The following EXOC6 variants were observed in gnomAD, a reference collection of about 807,000 sequenced individuals.
EXOC6 encodes exocyst complex component 6, also known as SEC15-like 1.
EXOC6 carries 60 observed loss-of-function variants against 112.5 expected under a neutral mutation model. The observed-to-expected ratio is 0.53, with a 90% confidence interval of 0.43 to 0.66. The LOEUF is 0.66. Among genes scored for constraint, EXOC6 ranks in the 30% least tolerant of loss-of-function variants. EXOC6 has a pLI of 0.00. For synonymous variants in EXOC6, 295 were observed against 308.0 expected (o/e 0.96, Z 0.44); for missense variants, 855 against 957.1 (o/e 0.89, Z 1.41).
chr10:92,969,903 A>T lies in EXOC6; in HGVS notation c.1774-4150A>T, dbSNP rs1564872459. On this transcript the variant is annotated intron_variant, in intron 17 of 21. Coordinates refer to ENST00000260762, the MANE Select transcript of EXOC6 (RefSeq NM_019053.6). ...GAGACAGGGTTTCACCATGTTGGCC[A>T]GGCTGGTCTCGAACTTCTGACGTCA... 4.6e-5 allele frequency among the ~76,000 whole-genome samples: 7 copies of T among 152,276 alleles called. No individual in the cohort carries two copies. In the South Asian group the frequency reaches 1.5e-3, roughly 32 times the overall value.
chr10:92,998,896 G>T (rs956605393), intron 19 of EXOC6, among the ~76,000 whole-genome samples: 1 of 152,048 alleles, frequency 6.6e-6, no homozygotes, highest in Non-Finnish European at 1.5e-5. Context: ...TTTTGAGACA[G>T]AGTCTCACTC....
intron 18 of EXOC6, among the ~76,000 whole-genome samples, chr10:92,977,910 T>C (rs66536955): frequency 0.26 from 39,575 of 151,956 alleles, 5,253 homozygotes; most frequent in Middle Eastern, 0.37. Context: ...TTGAGAGAAA[T>C]AGAATCCTGG....
intron 1 of EXOC6, among the ~76,000 whole-genome samples, chr10:92,839,378 C>T (rs974665067): frequency 1.3e-5 from 2 of 152,102 alleles, no homozygotes; most frequent in African/African-American, 4.8e-5. Flanking sequence ...CAACATTAGT[C>T]CCTGTTTTAC....
intron 17 of EXOC6, among the ~76,000 whole-genome samples, chr10:92,960,332 T>C (rs1036874360): frequency 6.6e-6 from 1 of 152,026 alleles, no homozygotes; most frequent in Non-Finnish European, 1.5e-5. Flanking sequence ...ATAAAAAAAT[T>C]AATGGTAGCC....
rs1437380293 is a variant in EXOC6 at position 92,975,721 on chromosome 10, C to T, written c.1953+1489C>T. Among the ~76,000 whole-genome samples, 111 of 130,010 alleles carry T rather than the reference C, an allele frequency of 8.5e-4. No homozygotes were observed. The East Asian group carries it at 0.012, about 14-fold the overall frequency. 85.3% of individuals were successfully genotyped at this position (130,010 alleles called of 152,430 possible). A position where few individuals can be genotyped will look rare whatever the true frequency, so the allele number is the denominator to read the frequency against. Reference sequence around the variant, plus strand: ...TGAGGAGCCCCTCTGCCCGGCCAGCCGCCCCGTCCGGGAGGGAGGTCGGGG... The same window carrying T: ...TGAGGAGCCCCTCTGCCCGGCCAGCTGCCCCGTCCGGGAGGGAGGTCGGGG... On this transcript the variant is annotated intron_variant, in intron 18 of 21. Transcript: ENST00000260762.
chr10:92,934,489 G>A, intron 11 of EXOC6, 59 bp downstream of exon 11: 6 of 1,411,436 alleles, frequency 4.3e-6, no homozygotes, highest in Non-Finnish European at 5.7e-6. Flanking sequence ...GAACTTCTGA[G>A]CTGCATAATG....
At chr10:93,047,630 T>C (rs55674124) in intron 20 of EXOC6, among the ~76,000 whole-genome samples, 2 of 150,718 alleles carry the variant, frequency 1.3e-5, no homozygotes, top group Non-Finnish European at 3.0e-5. Context: ...TTGGTACTAT[T>C]TGTCAATAAA....
At chr10:92,864,358 T>G (rs1848067419) in intron 1 of EXOC6, among the ~76,000 whole-genome samples, 1 of 152,234 alleles carries the variant, frequency 6.6e-6, no homozygotes, top group African/African-American at 2.4e-5. Flanking sequence ...TTTTCCAAGT[T>G]TTGTCCTTCA....
At chr10:92,955,222 G>A (rs1274805511) in intron 16 of EXOC6, among the ~76,000 whole-genome samples, 1 of 152,076 alleles carries the variant, frequency 6.6e-6, no homozygotes, top group Non-Finnish European at 1.5e-5. Flanking sequence ...ATGGGGAATA[G>A]TAGATAAAGA....
At chr10:93,053,873 G>A (rs1846419013) in intron 20 of EXOC6, among the ~76,000 whole-genome samples, 1 of 152,178 alleles carries the variant, frequency 6.6e-6, no homozygotes, top group Non-Finnish European at 1.5e-5. Flanking sequence ...ACATGAAAAT[G>A]ATAAATGAGA....
rs1449695678 is a variant in EXOC6, at chr10:92,934,528, T to TGCATTTTTTTA, written c.1140+100_1140+110dup. On this transcript the variant is annotated intron_variant, in intron 11 of 21. Coordinates refer to ENST00000260762, the MANE Select transcript of EXOC6 (RefSeq NM_019053.6). ...GAGGAAAACTGTACCTCCATCATTC[T>TGCATTTTTTTA]GCATTTTTTTAGTAGTTGCTTAGAT... 2.9e-6 allele frequency: 3 copies of TGCATTTTTTTA among 1,040,502 alleles called. No individual in the cohort carries two copies. In the African/African-American group the frequency reaches 5.0e-5, roughly 17 times the overall value. The allele number at this position is 1,040,502 out of a possible 1,614,324, so 64.5% of individuals were successfully genotyped here. A position where few individuals can be genotyped will look rare whatever the true frequency, so the allele number is the denominator to read the frequency against.
intron 17 of EXOC6, among the ~76,000 whole-genome samples, chr10:92,972,544 A>T (rs1313021465): frequency 6.6e-6 from 1 of 152,176 alleles, no homozygotes; most frequent in African/African-American, 2.4e-5. Context: ...TACACCAAAT[A>T]TGAGTGTTCC....
rs1262267969 is a variant in EXOC6 at position 93,058,517 on chromosome 10, G to A, written c.*162G>A. 3 of 479,804 alleles carry A rather than the reference G, an allele frequency of 6.3e-6. No individual in the cohort carries two copies. The highest frequency in any genetic ancestry group is 8.7e-5 in the Admixed American group (2 of 22,906). 29.7% of individuals were successfully genotyped at this position (479,804 alleles called of 1,614,324 possible). A position where few individuals can be genotyped will look rare whatever the true frequency, so the allele number is the denominator to read the frequency against. On this transcript the variant is annotated 3_prime_UTR_variant, in exon 22 of 22. Coordinates refer to ENST00000260762, the MANE Select transcript of EXOC6 (RefSeq NM_019053.6). ...AAATAGTAATAAATATCATTTGTAT[G>A]GATTTTTAAATAATCGAATACTATT...
chr10:92,994,437 C>T (rs1843392110), intron 18 of EXOC6, among the ~76,000 whole-genome samples: 1 of 152,186 alleles, frequency 6.6e-6, no homozygotes, highest in Admixed American at 6.5e-5. Flanking sequence ...AAGTTGTTTT[C>T]AGCCAAATGT....
intron 19 of EXOC6, among the ~76,000 whole-genome samples, chr10:93,000,655 A>G (rs1007770591): frequency 3.3e-5 from 5 of 152,208 alleles, no homozygotes; most frequent in African/African-American, 9.6e-5. Flanking sequence ...GATTTTGCCT[A>G]TGGTTGGCTC....
intron 18 of EXOC6, among the ~76,000 whole-genome samples, chr10:92,977,301 C>A (rs568519525): frequency 4.6e-5 from 7 of 152,096 alleles, no homozygotes; most frequent in Middle Eastern, 3.4e-3. Context: ...TCATCCTTTA[C>A]TCTTTCTCCA....
At chr10:92,962,521 C>G (rs375897114) in intron 17 of EXOC6, among the ~76,000 whole-genome samples, 2 of 151,926 alleles carry the variant, frequency 1.3e-5, no homozygotes, top group East Asian at 1.9e-4. Context: ...TCCCAAATAG[C>G]TAGGACTACA....
chr10:92,961,497 T>G (rs773571818), intron 17 of EXOC6, among the ~76,000 whole-genome samples: 1 of 152,116 alleles, frequency 6.6e-6, no homozygotes, highest in Admixed American at 6.6e-5. Context: ...GCAGATTGGG[T>G]AACAAATATA....
rs748378321 is a variant in EXOC6 at position 93,028,251 on chromosome 10, C to T, written c.2169+13984C>T. Among the ~76,000 whole-genome samples the T allele has an allele frequency of 4.0e-5, 6 of 151,896 alleles. No homozygotes were observed. The East Asian group carries it at 7.7e-4, about 20-fold the overall frequency. On this transcript the variant is annotated intron_variant, in intron 20 of 21. Transcript: ENST00000260762. ...GGTCGAGACTTCAGTGAGCCATGAT[C>T]GTGCCACTCCACTCCAGCCTGGGCA...
Sources: allele counts gnomAD v4.1 joint callset (sites outside exome capture counted in the v4.1 genomes callset), GRCh38; gene constraint gnomAD v4.1.1; transcripts MANE v1.5; gene names NCBI Gene and HGNC (gene_info 2026-07-23, HGNC 2026-07-21).